The following RPS6KA2 variants were observed in gnomAD, a reference collection of about 807,000 sequenced individuals.
RPS6KA2 encodes ribosomal protein S6 kinase A2, also known as ribosomal protein S6 kinase alpha-2.
In RPS6KA2, 42 loss-of-function variants were observed where a neutral mutation model predicts 91.8. The observed-to-expected ratio is 0.46, with a 90% CI of 0.36 to 0.59. RPS6KA2 has a LOEUF of 0.59. Among genes scored for constraint, RPS6KA2 ranks in the 20% least tolerant of loss-of-function variants. The pLI is 0.00. For synonymous variants in RPS6KA2, 414 were observed against 393.6 expected, an observed-to-expected ratio of 1.05 and a Z score of -0.61; for missense variants, 798 against 978.5, an observed-to-expected ratio of 0.82 and a Z score of 2.46.
intron 1 of RPS6KA2, among the ~76,000 whole-genome samples, chr6:166,550,874 G>T (rs539980400): frequency 1.3e-5 from 2 of 151,484 alleles, no homozygotes; most frequent in East Asian, 3.9e-4. Flanking sequence ...GGTGGCGGGC[G>T]CCTGTAGTCC....
chr6:166,469,760 C>A lies in RPS6KA2; in HGVS notation c.972+81G>T, dbSNP rs1780686535. 4.4e-5 allele frequency: 55 copies of A among 1,252,900 alleles called. No individual in the cohort carries two copies. In the South Asian group the frequency reaches 6.5e-4, roughly 15 times the overall value. The allele number at this position is 1,252,900 out of a possible 1,614,324, so 77.6% of individuals were successfully genotyped here. On this transcript the variant is annotated intron_variant, in intron 11 of 20. Transcript: ENST00000265678. The stretch of plus-strand genomic sequence containing the variant: ...CTACTTGTGACCCGGACACTGAGGA[C>A]CCTCTGCACCAAGCCGTATGTTCCC...
At chr6:166,538,197 T>C (rs1439648861) in intron 2 of RPS6KA2, among the ~76,000 whole-genome samples, 14 of 152,214 alleles carry the variant, frequency 9.2e-5, no homozygotes, top group Non-Finnish European at 1.5e-5. Context: ...GAGGCAATCG[T>C]GCAGGGTGAG....
chr6:166,833,859 T>C (rs1180276734), intron 2 of RPS6KA2, among the ~76,000 whole-genome samples: 3 of 152,204 alleles, frequency 2.0e-5, no homozygotes, highest in Non-Finnish European at 4.4e-5. Flanking sequence ...TATGTTTTTA[T>C]TCCTTTTGCA....
chr6:166,534,618 G>A (rs1783422371), intron 2 of RPS6KA2, among the ~76,000 whole-genome samples: 1 of 152,244 alleles, frequency 6.6e-6, no homozygotes, highest in Non-Finnish European at 1.5e-5. Context: ...TTTAAATGAT[G>A]TCAAGTTTTG....
chr6:166,548,784 C>A (rs986440027), intron 1 of RPS6KA2, among the ~76,000 whole-genome samples: 5 of 152,146 alleles, frequency 3.3e-5, no homozygotes, highest in African/African-American at 1.2e-4. Context: ...GGGAAAAATT[C>A]TTAGACATGA....
intron 2 of RPS6KA2, among the ~76,000 whole-genome samples, chr6:166,805,238 G>A (rs115698889): frequency 0.012 from 1,789 of 152,230 alleles, 38 homozygotes; most frequent in African/African-American, 0.04. Context: ...TGTTCCTTTC[G>A]CAACCTGCAG....
intron 2 of RPS6KA2, among the ~76,000 whole-genome samples, chr6:166,687,109 C>T (rs934178563): frequency 6.6e-5 from 10 of 152,184 alleles, no homozygotes; most frequent in African/African-American, 2.4e-4. Flanking sequence ...GAGATCCAGA[C>T]ACAGACAGCA....
intron 1 of RPS6KA2, among the ~76,000 whole-genome samples, chr6:166,859,578 A>G (rs1780996796): frequency 6.6e-6 from 1 of 152,220 alleles, no homozygotes; most frequent in Admixed American, 6.5e-5. Context: ...GGTTAATTAT[A>G]TATCTGAAAT....
intron 16 of RPS6KA2, among the ~76,000 whole-genome samples, chr6:166,428,159 A>T (rs1461609667): frequency 6.6e-6 from 1 of 152,020 alleles, no homozygotes; most frequent in Non-Finnish European, 1.5e-5. Context: ...GCTTATCTAC[A>T]ACTATCTGAT....
In RPS6KA2 at chr6:166,449,850, A is replaced by AGGACCACCATGGGAACCACCACGC. The variant is rs764275816; in HGVS notation, c.1207-1025_1207-1002dup. Among the ~76,000 whole-genome samples the AGGACCACCATGGGAACCACCACGC allele has an allele frequency of 3.4e-5, 3 of 87,080 alleles. No homozygotes were observed. The East Asian group carries it at 7.8e-4, about 23-fold the overall frequency. 57.1% of individuals were successfully genotyped at this position (87,080 alleles called of 152,430 possible). On this transcript the variant is annotated intron_variant, in intron 13 of 20. Coordinates refer to ENST00000265678, the MANE Select transcript of RPS6KA2 (RefSeq NM_021135.6). ...CAGGGACCACCACGGGACAACCACGAGGACCACCATGGGAACCACCACGCG... is the reference window on the plus strand; with the variant it reads ...CAGGGACCACCACGGGACAACCACGAGGACCACCATGGGAACCACCACGCGGACCACCATGGGAACCACCACGCG...
chr6:166,501,771 GTTCT>G (rs1782038951), intron 6 of RPS6KA2, among the ~76,000 whole-genome samples: 1 of 152,196 alleles, frequency 6.6e-6, no homozygotes, highest in South Asian at 2.1e-4. Context: ...ATTAAATCCT[GTTCT>G]TCCAGATGCT....
chr6:166,781,307 T>C (rs914629804), intron 2 of RPS6KA2, among the ~76,000 whole-genome samples: 8 of 152,244 alleles, frequency 5.3e-5, no homozygotes, highest in Non-Finnish European at 1.0e-4. Flanking sequence ...TTGGGGATTG[T>C]TCAAGATGAC....
At chr6:166,521,545 A>G (rs1008470775) in intron 3 of RPS6KA2, among the ~76,000 whole-genome samples, 5 of 152,194 alleles carry the variant, frequency 3.3e-5, no homozygotes, top group African/African-American at 9.7e-5. Context: ...TGTCTGTCCT[A>G]TGCTGGTCCC....
intron 2 of RPS6KA2, among the ~76,000 whole-genome samples, chr6:166,643,854 G>A (rs561502662): frequency 3.3e-5 from 5 of 152,342 alleles, no homozygotes; most frequent in African/African-American, 1.2e-4. Flanking sequence ...TTACTTAGGT[G>A]TATGTGTGTG....
chr6:166,836,216 T>C (rs1406718216), intron 2 of RPS6KA2, among the ~76,000 whole-genome samples: 4 of 152,126 alleles, frequency 2.6e-5, no homozygotes, highest in Admixed American at 2.0e-4. Context: ...TTTTTGTTTT[T>C]CTTGTAATGT....
At chr6:166,537,172 G>A (rs937073355) in intron 2 of RPS6KA2, among the ~76,000 whole-genome samples, 6 of 152,262 alleles carry the variant, frequency 3.9e-5, no homozygotes, top group East Asian at 3.8e-4. Context: ...AAGACGATTC[G>A]GCTGATTCTG....
intron 2 of RPS6KA2, among the ~76,000 whole-genome samples, chr6:166,784,453 G>A (rs181690499): frequency 6.6e-4 from 1 of 1,524 alleles, no homozygotes; most frequent in Non-Finnish European, 1.1e-3. Context: ...CACCTATGCA[G>A]AACCACATAT....
chr6:166,686,810 T>C lies in RPS6KA2; in HGVS notation c.124-148026A>G, dbSNP rs1282470585. 2.6e-5 allele frequency among the ~76,000 whole-genome samples: 4 copies of C among 152,194 alleles called. No homozygotes were observed. The East Asian group carries it at 7.7e-4, about 29-fold the overall frequency. On this transcript the variant is annotated intron_variant, in intron 2 of 21. Transcript: ENST00000503859. ...CCGAGAGCACTCACAGCAGCACCCA[T>C]GGTAGGAGCTCTGTGCATACCTGGT... is the stretch of plus-strand genomic sequence containing the variant.
chr6:166,508,305 T>A lies in RPS6KA2; in HGVS notation c.380-23A>T. ...AGGCTGTGGGGGACAGAGACCCGCA[T>A]TTTGACAGCTTGTCGAATGTCCTGT... On this transcript the variant is annotated intron_variant, in intron 4 of 20. Coordinates refer to ENST00000265678, the MANE Select transcript of RPS6KA2 (RefSeq NM_021135.6). The surrounding 1 kb of genome is among the most constrained non-coding windows in gnomAD (Gnocchi z 4.3). 1 of 1,495,054 alleles carries A rather than the reference T, an allele frequency of 6.7e-7. No homozygotes were observed. Among genetic ancestry groups the A allele is most frequent in the Non-Finnish European group, 9.3e-7 (1 of 1,071,902 alleles). 92.6% of individuals were successfully genotyped at this position (1,495,054 alleles called of 1,614,324 possible).
Sources: gnomAD v4.1 joint callset for allele counts (sites outside exome capture counted in the v4.1 genomes callset) on GRCh38, gnomAD v4.1.1 for gene constraint, Gnocchi (gnomAD v3.1) non-coding constraint, MANE v1.5 for transcripts, NCBI Gene and HGNC (gene_info 2026-07-23, HGNC 2026-07-21) for gene names.